The following HMGN5 variants were observed in gnomAD, a reference collection of about 807,000 sequenced individuals.
HMGN5 encodes the protein high mobility group nucleosome binding domain 5.
A neutral mutation model predicts 9.5 loss-of-function variants in HMGN5; 4 were observed. The observed-to-expected ratio is 0.42, with a 90% CI of 0.21 to 0.96. HMGN5 has a LOEUF of 0.96. HMGN5 is among the 40% of genes least tolerant of loss of function. The probability of loss-of-function intolerance (pLI) is 0.30; values close to 1 mark genes in which losing one functional copy is unlikely to be tolerated. For missense variants in HMGN5, 192 were observed against 187.5 expected, an observed-to-expected ratio of 1.02 and a Z score of -0.14; for synonymous variants, 55 against 57.1, an observed-to-expected ratio of 0.96 and a Z score of 0.16.
chrX:81,176,616 T>C (rs1481923030), intron 1 of HMGN5, among the ~76,000 whole-genome samples: 1 of 111,511 alleles, frequency 9.0e-6, no homozygotes, highest in Non-Finnish European at 1.9e-5. Flanking sequence ...CTGCAAACCA[T>C]GGCATGAGAA....
At chrX:81,122,968 C>A (rs753620155) in intron 1 of HMGN5, among the ~76,000 whole-genome samples, 2 of 111,410 alleles carry the variant, frequency 1.8e-5, no homozygotes, top group South Asian at 7.6e-4. Context: ...TGCTCCCAAA[C>A]AACAACCCAA....
At chrX:81,155,765 G>A (rs1394073822) in intron 1 of HMGN5, among the ~76,000 whole-genome samples, 2 of 111,774 alleles carry the variant, frequency 1.8e-5, no homozygotes, top group African/African-American at 3.3e-5. Flanking sequence ...AATTGGGAAG[G>A]AGCTGGGGGC....
chrX:81,168,455 T>C (rs1379562670), intron 1 of HMGN5, among the ~76,000 whole-genome samples: 1 of 111,652 alleles, frequency 9.0e-6, no homozygotes, highest in Admixed American at 9.6e-5. Flanking sequence ...CACAGACCCC[T>C]AATTTGGATT....
chrX:81,161,853 T>C (rs1569347762), intron 1 of HMGN5, among the ~76,000 whole-genome samples: 1 of 109,616 alleles, frequency 9.1e-6, no homozygotes, highest in Non-Finnish European at 1.9e-5. Flanking sequence ...TCACTGCATA[T>C]GATAAAACGC....
chrX:81,138,768 A>T (rs996177381), intron 1 of HMGN5, among the ~76,000 whole-genome samples: 64 of 112,081 alleles, frequency 5.7e-4, no homozygotes, highest in Non-Finnish European at 1.1e-3. Flanking sequence ...TCTAGAACTA[A>T]TAAGTGTGTT....
intron 1 of HMGN5, among the ~76,000 whole-genome samples, chrX:81,141,486 G>GAGAGAGAA (rs1424415933): frequency 2.7e-3 from 298 of 109,727 alleles, no homozygotes; most frequent in African/African-American, 9.3e-3. Flanking sequence ...GAGAGAGAGA[G>GAGAGAGAA]AGAGAAAGAG....
intron 1 of HMGN5, among the ~76,000 whole-genome samples, chrX:81,155,445 C>T (rs2075380543): frequency 9.1e-6 from 1 of 109,341 alleles, no homozygotes; most frequent in African/African-American, 3.3e-5. Context: ...TATGTTCACA[C>T]ATAAAGCTGT....
intron 1 of HMGN5, among the ~76,000 whole-genome samples, chrX:81,150,724 C>G (rs1300069092): frequency 9.0e-6 from 1 of 110,979 alleles, no homozygotes; most frequent in East Asian, 2.8e-4. Context: ...AATTGACGAA[C>G]CTATGGGCAG....
intron 1 of HMGN5, among the ~76,000 whole-genome samples, chrX:81,188,737 T>A (rs1018811403): frequency 9.1e-6 from 1 of 110,373 alleles, no homozygotes; most frequent in Non-Finnish European, 1.9e-5. Flanking sequence ...TTTGGTTTTT[T>A]GTCCCTGCGA....
intron 6 of HMGN5, 50 bp from the exon 7 acceptor site, chrX:81,115,280 C>T: frequency 2.6e-5 from 28 of 1,082,067 alleles, no homozygotes; most frequent in Non-Finnish European, 3.4e-5. Flanking sequence ...AAATTTAGAA[C>T]CATTTCCCCT....
Position 81,119,138 on chromosome X carries a change from G to C in HMGN5, c.46-379C>G, listed in dbSNP as rs144149224. On this transcript the variant is annotated intron_variant, in intron 3 of 6. Transcript: ENST00000358130. ...TAAGGTCTTAAATTCGAAGAAGCTT[G>C]CAGTTTTTAATACTTACTATATATA... Among the ~76,000 whole-genome samples the C allele has an allele frequency of 9.5e-3, 1,059 of 111,457 alleles. 14 individuals are homozygous for C. The highest frequency in any genetic ancestry group is 0.033 in the African/African-American group (1,015 of 30,745).
intron 1 of HMGN5, among the ~76,000 whole-genome samples, chrX:81,145,222 A>G (rs950714756): frequency 8.9e-6 from 1 of 111,925 alleles, no homozygotes; most frequent in East Asian, 2.8e-4. Context: ...TGAAATGAAG[A>G]AAAAAATGTT....
intron 1 of HMGN5, among the ~76,000 whole-genome samples, chrX:81,190,486 C>A (rs1194142117): frequency 9.0e-6 from 1 of 111,038 alleles, no homozygotes; most frequent in Non-Finnish European, 1.9e-5. Flanking sequence ...CTATTCTTCC[C>A]AAACCCTCAC....
intron 1 of HMGN5, among the ~76,000 whole-genome samples, chrX:81,171,100 C>A (rs745868148): frequency 9.0e-6 from 1 of 111,407 alleles, no homozygotes; most frequent in Non-Finnish European, 1.9e-5. Flanking sequence ...GCTATTGAGA[C>A]TCAGGAGAAT....
chrX:81,155,716 A>G (rs1240453498), intron 1 of HMGN5, among the ~76,000 whole-genome samples: 1 of 112,085 alleles, frequency 8.9e-6, no homozygotes, highest in Non-Finnish European at 1.9e-5. Context: ...AAACTTTAGA[A>G]ATAAATAACA....
Position 81,118,435 on chromosome X carries a change from T to A in HMGN5, c.126A>T (p.Ser42=). The change falls in exon 5 of 7, where the codon TCA becomes TCT. Residue 42 remains serine (S), a synonymous_variant. Transcript: ENST00000358130. The part of the protein sequence containing the change: ...PEVKPKRTSS[S]RKMKTKSDMM... ...ATATTCTACGTTGAATATTTACCCTTGAACTTGATGTTCTTTTAGGCTTCA... is the reference window on the plus strand; with the variant it reads ...ATATTCTACGTTGAATATTTACCCTAGAACTTGATGTTCTTTTAGGCTTCA... 1.7e-6 allele frequency: 2 copies of A among 1,159,743 alleles called. No homozygotes were observed. The highest frequency in any genetic ancestry group is 1.2e-6 in the Non-Finnish European group (1 of 856,455).
intron 1 of HMGN5, among the ~76,000 whole-genome samples, chrX:81,133,639 T>C (rs150269303): frequency 0.011 from 1,272 of 111,160 alleles, 23 homozygotes; most frequent in African/African-American, 0.04. Context: ...TTCTCACTTA[T>C]ACGTGGGAGC....
At chrX:81,123,356 A>G (rs1186058722) in intron 1 of HMGN5, among the ~76,000 whole-genome samples, 2 of 111,431 alleles carry the variant, frequency 1.8e-5, no homozygotes, top group Non-Finnish European at 3.8e-5. Context: ...TAATTCAAGT[A>G]AGTAAATCAG....
At chrX:81,182,178 C>T (rs1050703116) in intron 1 of HMGN5, among the ~76,000 whole-genome samples, 4 of 111,813 alleles carry the variant, frequency 3.6e-5, no homozygotes, top group Non-Finnish European at 3.8e-5. Context: ...GGTTTTGATA[C>T]GCATTTCTCT....
Sources: gnomAD v4.1 joint callset for allele counts (sites outside exome capture counted in the v4.1 genomes callset) on GRCh38, gnomAD v4.1.1 for gene constraint, MANE v1.5 for transcripts, NCBI Gene and HGNC (gene_info 2026-07-23, HGNC 2026-07-21) for gene names.